Variants in KLF12 observed in about 807,000 individuals in gnomAD.
The protein encoded by KLF12 is KLF transcription factor 12.
A neutral mutation model predicts 37.8 loss-of-function variants in KLF12; 9 were observed. That is an observed-to-expected ratio of 0.24 (90% CI 0.14 to 0.42). The LOEUF (loss-of-function observed/expected upper bound fraction) is 0.42. KLF12 is among the 10% of genes least tolerant of loss of function. The probability of loss-of-function intolerance (pLI) is 1.00; values close to 1 mark genes in which losing one functional copy is unlikely to be tolerated. For synonymous variants in KLF12, 208 were observed against 202.1 expected (o/e 1.03, Z -0.25); for missense variants, 411 against 516.0 (o/e 0.80, Z 1.97).
intron 6 of KLF12, among the ~76,000 whole-genome samples, chr13:73,764,487 A>G (rs958931959): frequency 6.6e-6 from 1 of 151,994 alleles, no homozygotes; most frequent in Non-Finnish European, 1.5e-5. Context: ...TAAAAAAAAA[A>G]AAAATCCTGG....
intron 4 of KLF12, among the ~76,000 whole-genome samples, chr13:73,842,466 G>C (rs1884789195): frequency 6.6e-6 from 1 of 152,060 alleles, no homozygotes; most frequent in African/African-American, 2.4e-5. Context: ...CTGTATCTTT[G>C]GTGTCAATAA....
the KLF12 span, among the ~76,000 whole-genome samples, chr13:74,158,084 T>C: frequency 6.6e-6 from 1 of 152,094 alleles, no homozygotes; most frequent in Non-Finnish European, 1.5e-5. Context: ...TGGAAATAAG[T>C]GGGGTGTAGA....
At chr13:73,724,092 TTA>T (rs1326228205) in intron 6 of KLF12, among the ~76,000 whole-genome samples, 4 of 152,152 alleles carry the variant, frequency 2.6e-5, no homozygotes, top group African/African-American at 9.7e-5. Context: ...CATGCACACG[TTA>T]TGTTTACTGC....
At chr13:73,750,202 T>C (rs1331234523) in intron 6 of KLF12, among the ~76,000 whole-genome samples, 1 of 152,192 alleles carries the variant, frequency 6.6e-6, no homozygotes, top group Non-Finnish European at 1.5e-5. Context: ...TTTCTACTTT[T>C]CTGAAAATAT....
At chr13:73,849,375 T>TAAAAAAAAAAAAAAA (rs574332239) in intron 3 of KLF12, among the ~76,000 whole-genome samples, 5 of 98,986 alleles carry the variant, frequency 5.1e-5, no homozygotes, top group African/African-American at 2.4e-4. Flanking sequence ...GGAGACTCCA[T>TAAAAAAAAAAAAAAA]AAAAAAAAAA....
In KLF12 at chr13:73,752,723, CATAT is replaced by C. The variant is rs201172368; in HGVS notation, c.869+12211_869+12214del. 9.3e-4 allele frequency among the ~76,000 whole-genome samples: 36 copies of C among 38,836 alleles called. 5 individuals carry two copies. The highest frequency in any genetic ancestry group is 2.5e-3 in the African/African-American group (17 of 6,732). 25.5% of individuals were successfully genotyped at this position (38,836 alleles called of 152,430 possible). A position where few individuals can be genotyped will look rare whatever the true frequency, so the allele number is the denominator to read the frequency against. Reference sequence around the variant, plus strand: ...TCACTCATTCCCCTGCTCCCTTCCACATATATATTTTTTTTTTTTTGACACAGAG... The same window carrying C: ...TCACTCATTCCCCTGCTCCCTTCCACATATTTTTTTTTTTTTGACACAGAG... On this transcript the variant is annotated intron_variant, in intron 6 of 7. Coordinates refer to ENST00000377669, the MANE Select transcript of KLF12 (RefSeq NM_007249.5).
chr13:74,047,107 C>A (rs1207444735), intron 1 of KLF12, among the ~76,000 whole-genome samples: 1 of 152,112 alleles, frequency 6.6e-6, no homozygotes, highest in African/African-American at 2.4e-5. Context: ...TCCTCTCCAA[C>A]CAGTCCTCCT....
At chr13:74,208,724 C>T in the KLF12 span, among the ~76,000 whole-genome samples, 1 of 152,192 alleles carries the variant, frequency 6.6e-6, no homozygotes, top group South Asian at 2.1e-4. Flanking sequence ...CCTGTAGTCC[C>T]AGATGCTTGG....
intron 1 of KLF12, among the ~76,000 whole-genome samples, chr13:74,112,091 A>G (rs1320648657): frequency 6.6e-6 from 1 of 152,218 alleles, no homozygotes; most frequent in Non-Finnish European, 1.5e-5. Flanking sequence ...TCAGTGGACA[A>G]TGACCTATGG....
the KLF12 span, among the ~76,000 whole-genome samples, chr13:74,145,921 G>C: frequency 6.6e-6 from 1 of 152,046 alleles, no homozygotes; most frequent in African/African-American, 2.4e-5. Context: ...CAGAGTCTAA[G>C]AATTATCTTC....
intron 3 of KLF12, among the ~76,000 whole-genome samples, chr13:73,856,710 C>A (rs528211672): frequency 6.6e-6 from 1 of 152,266 alleles, no homozygotes; most frequent in South Asian, 2.1e-4. Context: ...AAAAAAGGGC[C>A]TGGAGCAGTG....
At chr13:74,167,351 A>G in the KLF12 span, among the ~76,000 whole-genome samples, 1 of 152,232 alleles carries the variant, frequency 6.6e-6, no homozygotes, top group African/African-American at 2.4e-5. Flanking sequence ...GCTGTTTAGT[A>G]TTAGGTGTAA....
chr13:74,294,268 G>T, the KLF12 span, among the ~76,000 whole-genome samples: 1 of 152,128 alleles, frequency 6.6e-6, no homozygotes. Flanking sequence ...AGGGCTTTTA[G>T]GCACCCATCA....
At chr13:73,811,538 C>T (rs1046695331) in intron 5 of KLF12, among the ~76,000 whole-genome samples, 15 of 152,236 alleles carry the variant, frequency 9.9e-5, no homozygotes, top group South Asian at 2.1e-4. Flanking sequence ...CTAATTACTA[C>T]TATAATACTA....
chr13:74,179,140 C>G, the KLF12 span, among the ~76,000 whole-genome samples: 2 of 152,214 alleles, frequency 1.3e-5, no homozygotes, highest in Non-Finnish European at 2.9e-5. Context: ...ACCTACTGCT[C>G]AGGCTCCTCC....
At chr13:73,885,757 G>T (rs533514460) in intron 3 of KLF12, among the ~76,000 whole-genome samples, 1 of 152,196 alleles carries the variant, frequency 6.6e-6, no homozygotes, top group African/African-American at 2.4e-5. Context: ...TTAAGCTTGG[G>T]AGAAAAACCT....
chr13:74,143,045 T>C, the KLF12 span, among the ~76,000 whole-genome samples: 1 of 144,072 alleles, frequency 6.9e-6, no homozygotes, highest in African/African-American at 2.5e-5. Context: ...CCTCCTTCCC[T>C]CCTTCTTTCC....
At chr13:74,088,270 GC>G (rs1875436738) in intron 1 of KLF12, among the ~76,000 whole-genome samples, 1 of 151,728 alleles carries the variant, frequency 6.6e-6, no homozygotes, top group Non-Finnish European at 1.5e-5. Flanking sequence ...TGTGGCTATA[GC>G]TTTTTTTTTT....
chr13:74,152,963 T>C, the KLF12 span, among the ~76,000 whole-genome samples: 1 of 151,202 alleles, frequency 6.6e-6, no homozygotes. Flanking sequence ...TTAAAGTTGA[T>C]AAAAACCAAA....
Sources: allele counts gnomAD v4.1 joint callset (sites outside exome capture counted in the v4.1 genomes callset), GRCh38; gene constraint gnomAD v4.1.1; transcripts MANE v1.5; gene names NCBI Gene and HGNC (gene_info 2026-07-23, HGNC 2026-07-21).